Variants in GOLGB1 observed in about 807,000 individuals in gnomAD.
GOLGB1 encodes golgin B1.
Under a neutral mutation model 336.9 loss-of-function variants are expected in GOLGB1, and 174 were observed. The ratio of observed to expected loss-of-function variants is 0.52; its 90% CI spans 0.46 to 0.59. The LOEUF is 0.59. Among genes scored for constraint, GOLGB1 ranks in the 20% least tolerant of loss-of-function variants. GOLGB1 has a pLI of 0.00. For missense variants in GOLGB1, 3,331 were observed against 3,645.3 expected (o/e 0.91, Z 2.22); for synonymous variants, 1,208 against 1,289.2 (o/e 0.94, Z 1.35).
At chr3:121,666,728 C>G (rs1938672198) in intron 20 of GOLGB1, among the ~76,000 whole-genome samples, 2 of 152,204 alleles carry the variant, frequency 1.3e-5, no homozygotes, top group Admixed American at 1.3e-4. Flanking sequence ...AGGTGGCTTT[C>G]TCCCAAAATA....
chr3:121,707,433 C>T (rs982203667), intron 10 of GOLGB1, among the ~76,000 whole-genome samples: 1 of 150,446 alleles, frequency 6.6e-6, no homozygotes, highest in Non-Finnish European at 1.5e-5. Context: ...ACCAGCCAGC[C>T]TAGGTAACTT....
chr3:121,713,561 G>C (rs1329776886), intron 10 of GOLGB1, among the ~76,000 whole-genome samples: 1 of 152,204 alleles, frequency 6.6e-6, no homozygotes, highest in African/African-American at 2.4e-5. Flanking sequence ...ATGATGCTGT[G>C]AAACAGGCAA....
At chr3:121,742,426 G>A (rs1334080227) in intron 1 of GOLGB1, among the ~76,000 whole-genome samples, 1 of 152,176 alleles carries the variant, frequency 6.6e-6, no homozygotes. Flanking sequence ...GTAGAAAGGT[G>A]AAACTGGATC....
chr3:121,673,074 T>G (rs1017890983), intron 17 of GOLGB1, among the ~76,000 whole-genome samples: 8 of 108,988 alleles, frequency 7.3e-5, no homozygotes, highest in Admixed American at 2.5e-4. Context: ...TGTTTTTTGG[T>G]TTTTTTTTTT....
At chr3:121,687,047 TG>T (rs1007583358) in intron 14 of GOLGB1, among the ~76,000 whole-genome samples, 2 of 152,092 alleles carry the variant, frequency 1.3e-5, no homozygotes, top group African/African-American at 4.8e-5. Flanking sequence ...CCGAGGCAGG[TG>T]GATCACTTGA....
chr3:121,708,357 T>C (rs1170655543), intron 10 of GOLGB1, among the ~76,000 whole-genome samples: 2 of 152,044 alleles, frequency 1.3e-5, no homozygotes, highest in African/African-American at 4.8e-5. Flanking sequence ...TTGTTCTGGG[T>C]GCTATGGCTT....
rs773358251 is a variant in GOLGB1, at chr3:121,694,853, T to G, written c.5670A>C (p.Lys1890Asn). Residue 1890 changes from lysine to asparagine, a missense_variant, in exon 13 of 22, where the codon AAA becomes AAC. By Grantham distance (94) the Lys-to-Asn change is moderately conservative (BLOSUM62 0). Coordinates refer to ENST00000614479, the MANE Select transcript of GOLGB1 (RefSeq NM_001366282.2). ...TTTTGGTTACTTCCTCCTGAAGCAT[T>G]TTTAGTTCACCATCCTTTGTTGATA... is the stretch of plus-strand genomic sequence containing the variant. Reference protein sequence around the residue: ...SQISTKDGELKMLQEEVTKMN... With the variant: ...SQISTKDGELNMLQEEVTKMN... 4.3e-6 allele frequency: 7 copies of G among 1,613,746 alleles called. No individual in the cohort carries two copies. The Admixed American group carries it at 6.7e-5, about 15-fold the overall frequency.
intron 14 of GOLGB1, among the ~76,000 whole-genome samples, chr3:121,689,647 T>C (rs1286265559): frequency 2.6e-5 from 3 of 114,456 alleles, no homozygotes; most frequent in East Asian, 8.6e-4. Context: ...GAATGATCAA[T>C]TAAAAAAAAA....
At chr3:121,731,439 C>T (rs1184656746) in intron 1 of GOLGB1, among the ~76,000 whole-genome samples, 1 of 151,774 alleles carries the variant, frequency 6.6e-6, no homozygotes, top group African/African-American at 2.4e-5. Flanking sequence ...TCTCAGCCCA[C>T]TGCAACCTCT....
At chr3:121,725,976 G>T (rs1316971429) in intron 5 of GOLGB1, among the ~76,000 whole-genome samples, 1 of 144,352 alleles carries the variant, frequency 6.9e-6, no homozygotes, top group East Asian at 2.0e-4. Flanking sequence ...ATAAATGTAA[G>T]AAATAAATTT....
chr3:121,686,022 T>C (rs1377759940), intron 14 of GOLGB1, among the ~76,000 whole-genome samples: 3 of 152,340 alleles, frequency 2.0e-5, no homozygotes, highest in African/African-American at 4.8e-5. Flanking sequence ...CTTGGAGTGG[T>C]AGTTTTAGTG....
intron 2 of GOLGB1, chr3:121,730,312 G>A: frequency 4.0e-6 from 1 of 252,726 alleles, no homozygotes; most frequent in East Asian, 8.6e-5. Flanking sequence ...AAGGCCAAAA[G>A]TTAAAATTAA....
At chr3:121,746,823 C>T (rs963452582) in intron 1 of GOLGB1, among the ~76,000 whole-genome samples, 4 of 151,872 alleles carry the variant, frequency 2.6e-5, no homozygotes, top group African/African-American at 9.7e-5. Context: ...GGAGTACCGT[C>T]AATATTCCCA....
chr3:121,688,436 C>T (rs1445413692), intron 14 of GOLGB1, among the ~76,000 whole-genome samples: 3 of 152,274 alleles, frequency 2.0e-5, no homozygotes, highest in Non-Finnish European at 4.4e-5. Context: ...GATCCGCCAA[C>T]CTCGGCCTCC....
chr3:121,683,186 G>A (rs559203305), intron 14 of GOLGB1, among the ~76,000 whole-genome samples: 351 of 149,282 alleles, frequency 2.4e-3, no homozygotes, highest in African/African-American at 8.1e-3. Context: ...ACAGGCGTGA[G>A]CCACTGCGCC....
In GOLGB1 at chr3:121,719,677, GTT is replaced by G; in HGVS notation, c.738_739del (p.Thr247ProfsTer20). 1 of 1,610,640 alleles carries G rather than the reference GTT, an allele frequency of 6.2e-7. No individual in the cohort carries two copies. The highest frequency in any genetic ancestry group is 8.5e-7 in the Non-Finnish European group (1 of 1,178,282). ...CATCTCTGTTTCCACATCTGCCTGG[GTT>G]ACTAACTGAAGAAGCTCATCTTCAT... On this transcript the variant is annotated frameshift_variant, in exon 7 of 22. Transcript: ENST00000614479. LOFTEE classifies it high-confidence loss of function.
intron 20 of GOLGB1, among the ~76,000 whole-genome samples, 194 bp from the exon 21 acceptor site, chr3:121,665,225 A>G (rs1272965878): frequency 6.6e-6 from 1 of 152,216 alleles, no homozygotes; most frequent in Non-Finnish European, 1.5e-5. Context: ...AAAATGTGAC[A>G]ATAACTATCA....
At chr3:121,733,582 A>G (rs2108320555) in intron 1 of GOLGB1, among the ~76,000 whole-genome samples, 1 of 152,308 alleles carries the variant, frequency 6.6e-6, no homozygotes, top group South Asian at 2.1e-4. Flanking sequence ...GCAATTCCAA[A>G]CTTAATCCCA....
At chr3:121,713,012 A>G (rs1250908575) in intron 10 of GOLGB1, among the ~76,000 whole-genome samples, 2 of 152,038 alleles carry the variant, frequency 1.3e-5, no homozygotes, top group Non-Finnish European at 2.9e-5. Flanking sequence ...AAATACAAAA[A>G]TTAGCCGGGT....
Sources: allele counts gnomAD v4.1 joint callset (sites outside exome capture counted in the v4.1 genomes callset), GRCh38; gene constraint gnomAD v4.1.1; transcripts MANE v1.5; gene names NCBI Gene and HGNC (gene_info 2026-07-23, HGNC 2026-07-21).